Variants in MACROD2 observed in about 807,000 individuals in gnomAD.
The protein encoded by MACROD2 is ADP-ribose glycohydrolase MACROD2.
MACROD2 carries 36 observed loss-of-function variants against 70.4 expected under a neutral mutation model. That is an observed-to-expected ratio of 0.51 (90% confidence interval 0.39 to 0.68). MACROD2 has a LOEUF of 0.68. Among genes scored for constraint, MACROD2 ranks in the 30% least tolerant of loss-of-function variants. MACROD2 has a pLI of 0.00. For synonymous variants in MACROD2, 172 were observed against 178.8 expected, an observed-to-expected ratio of 0.96 and a Z score of 0.30; for missense variants, 496 against 538.4, an observed-to-expected ratio of 0.92 and a Z score of 0.78.
At chr20:15,078,167 GA>G (rs2075673929) in intron 5 of MACROD2, among the ~76,000 whole-genome samples, 1 of 152,256 alleles carries the variant, frequency 6.6e-6, no homozygotes, top group East Asian at 1.9e-4. Context: ...AGGTGGAGCA[GA>G]AAACAATCAG....
At chr20:14,148,046 T>C (rs1601281154) in intron 3 of MACROD2, among the ~76,000 whole-genome samples, 1 of 152,130 alleles carries the variant, frequency 6.6e-6, no homozygotes, top group Non-Finnish European at 1.5e-5. Flanking sequence ...ATAAGAAAAA[T>C]TGAATCTGAA....
intron 4 of MACROD2, among the ~76,000 whole-genome samples, chr20:14,532,443 T>G (rs1213438444): frequency 6.6e-6 from 1 of 151,654 alleles, no homozygotes; most frequent in African/African-American, 2.4e-5. Flanking sequence ...CAGGATGGTC[T>G]CGAACTCCTG....
chr20:14,115,342 T>A (rs547614491), intron 3 of MACROD2, among the ~76,000 whole-genome samples: 1 of 152,304 alleles, frequency 6.6e-6, no homozygotes, highest in East Asian at 1.9e-4. Flanking sequence ...CTTTATAACA[T>A]TTCTGATTTA....
intron 8 of MACROD2, among the ~76,000 whole-genome samples, chr20:15,588,599 T>C (rs546875032): frequency 6.6e-6 from 1 of 152,340 alleles, no homozygotes; most frequent in Non-Finnish European, 1.5e-5. Flanking sequence ...TTAATGCTTT[T>C]TTGCCTAGAA....
rs73612388 is a variant in MACROD2, at chr20:15,044,288, A to G, written c.419-185652A>G. On this transcript the variant is annotated intron_variant, in intron 5 of 17. Coordinates refer to ENST00000684519, the MANE Select transcript of MACROD2 (RefSeq NM_001351661.2). ...AACCAAAGAGGTTCTTCTTACTCCT[A>G]TCACTCAGGAGCTTACAAGAGTTTT... Among the ~76,000 whole-genome samples the G allele has an allele frequency of 1.7e-3, 262 of 152,280 alleles. 2 individuals are homozygous for G. In the East Asian group the frequency reaches 0.02, roughly 12 times the overall value.
chr20:14,361,625 T>G (rs717327), intron 3 of MACROD2, among the ~76,000 whole-genome samples: 87,549 of 152,090 alleles, frequency 0.58, 27,448 homozygotes, highest in Non-Finnish European at 0.7. Context: ...GATTTCAGTC[T>G]CTGTAATGCA....
At chr20:14,251,848 T>C (rs748904871) in intron 3 of MACROD2, among the ~76,000 whole-genome samples, 9 of 152,042 alleles carry the variant, frequency 5.9e-5, no homozygotes, top group Non-Finnish European at 1.0e-4. Context: ...CAAAGGAGTT[T>C]AAGGAAGCTG....
At chr20:14,967,350 G>GGTAGGAAGTCTCA (rs2074647265) in intron 5 of MACROD2, among the ~76,000 whole-genome samples, 1 of 152,068 alleles carries the variant, frequency 6.6e-6, no homozygotes, top group African/African-American at 2.4e-5. Flanking sequence ...TTTTAGTAGA[G>GGTAGGAAGTCTCA]ACGGGGTCTC....
intron 5 of MACROD2, among the ~76,000 whole-genome samples, chr20:15,145,209 C>T (rs918657910): frequency 6.6e-6 from 1 of 152,122 alleles, no homozygotes; most frequent in African/African-American, 2.4e-5. Context: ...GTGGTCAACG[C>T]TATGCTTCCT....
At chr20:15,381,309 A>G (rs1460362075) in intron 6 of MACROD2, among the ~76,000 whole-genome samples, 2 of 151,758 alleles carry the variant, frequency 1.3e-5, no homozygotes, top group East Asian at 1.9e-4. Flanking sequence ...TTCACCTTAA[A>G]TCAAGAAAGG....
chr20:14,805,791 G>A (rs1280971069), intron 5 of MACROD2, among the ~76,000 whole-genome samples: 2 of 151,910 alleles, frequency 1.3e-5, no homozygotes, highest in Non-Finnish European at 2.9e-5. Context: ...GCTTTTAAGA[G>A]CAATGGCTTA....
chr20:14,412,018 A>G (rs1377357328), intron 3 of MACROD2, among the ~76,000 whole-genome samples: 1 of 152,200 alleles, frequency 6.6e-6, no homozygotes. Context: ...CAGCATAACC[A>G]AAAGTGTCAT....
chr20:15,611,669 C>T (rs2048972087), intron 8 of MACROD2, among the ~76,000 whole-genome samples: 1 of 151,796 alleles, frequency 6.6e-6, no homozygotes. Flanking sequence ...TATTCCCTCA[C>T]TGTGACCCCC....
chr20:14,468,269 A>G (rs1208953571), intron 3 of MACROD2, among the ~76,000 whole-genome samples: 1 of 151,898 alleles, frequency 6.6e-6, no homozygotes, highest in Non-Finnish European at 1.5e-5. Context: ...GTCTCTGGGA[A>G]CTTGCTTTAT....
In MACROD2 at chr20:15,294,746, C is replaced by T. The variant is rs78164550; in HGVS notation, c.540+64685C>T. On this transcript the variant is annotated intron_variant, in intron 6 of 17. Coordinates refer to ENST00000684519, the MANE Select transcript of MACROD2 (RefSeq NM_001351661.2). ...AGATGTAACCTTTGTCTCTTCCTTC[C>T]CCCAACTGTGTGGAATTGACGTTCT... Among the ~76,000 whole-genome samples, 4 of 152,284 alleles carry T rather than the reference C, an allele frequency of 2.6e-5. No individual in the cohort carries two copies. The East Asian group carries it at 7.7e-4, about 29-fold the overall frequency.
At chr20:14,939,995 TTTTTGGTAGAA>T (rs1207290627) in intron 5 of MACROD2, among the ~76,000 whole-genome samples, 1 of 151,894 alleles carries the variant, frequency 6.6e-6, no homozygotes, top group Non-Finnish European at 1.5e-5. Flanking sequence ...TTCTAACAGT[TTTTTGGTAGAA>T]TCTTAAGGTT....
chr20:14,118,902 A>G (rs1241385764), intron 3 of MACROD2, among the ~76,000 whole-genome samples: 1 of 146,434 alleles, frequency 6.8e-6, no homozygotes, highest in Non-Finnish European at 1.5e-5. Context: ...TTGGAGTGCA[A>G]TGGCGCGATC....
chr20:14,226,869 C>T (rs977851979), intron 3 of MACROD2, among the ~76,000 whole-genome samples: 1 of 152,084 alleles, frequency 6.6e-6, no homozygotes, highest in Non-Finnish European at 1.5e-5. Context: ...TCCCATCGAC[C>T]ACCCAAGGGC....
Position 15,782,615 on chromosome 20 carries a change from A to G in MACROD2, c.646-80130A>G, listed in dbSNP as rs571309659. 8.7e-5 allele frequency among the ~76,000 whole-genome samples: 13 copies of G among 149,644 alleles called. No homozygotes were observed. The South Asian group carries it at 1.7e-3, about 19-fold the overall frequency. The stretch of plus-strand genomic sequence containing the variant: ...ACTGTATGGTCCCAAAAGCCCTATA[A>G]CCATTTTCCTTTCACCTTCAAATTG... On this transcript the variant is annotated intron_variant, in intron 8 of 17. Transcript: ENST00000684519.
Sources: allele counts gnomAD v4.1 joint callset (sites outside exome capture counted in the v4.1 genomes callset), GRCh38; gene constraint gnomAD v4.1.1; transcripts MANE v1.5; gene names NCBI Gene and HGNC (gene_info 2026-07-23, HGNC 2026-07-21).